The following L3HYPDH variants were observed in gnomAD, a reference collection of about 807,000 sequenced individuals.
The protein encoded by L3HYPDH is trans-3-hydroxy-L-proline dehydratase.
L3HYPDH carries 32 observed loss-of-function variants against 26.5 expected under a neutral mutation model. The observed-to-expected ratio is 1.21, with a 90% CI of 0.91 to 1.62. L3HYPDH has a LOEUF of 1.62. Among genes scored for constraint, L3HYPDH ranks in the 40% most tolerant of loss-of-function variants. The probability of loss-of-function intolerance (pLI) is 0.00; values close to 1 mark genes in which losing one functional copy is unlikely to be tolerated. For synonymous variants in L3HYPDH, 215 were observed against 196.6 expected (o/e 1.09, Z -0.78); for missense variants, 554 against 476.4 (o/e 1.16, Z -1.52).
chr14:59,494,912 T>C, the L3HYPDH span: 1 of 783,466 alleles, frequency 1.3e-6, no homozygotes, highest in African/African-American at 1.8e-5. Flanking sequence ...GTTTTTGACT[T>C]TTCTTATAGA....
At chr14:59,477,833 C>T (rs1211926991) in intron 2 of L3HYPDH, among the ~76,000 whole-genome samples, 1 of 152,194 alleles carries the variant, frequency 6.6e-6, no homozygotes, top group Non-Finnish European at 1.5e-5. Flanking sequence ...CTATCTTACA[C>T]AAGTTACTTT....
upstream of L3HYPDH, chr14:59,486,605 T>C: frequency 8.2e-6 from 6 of 732,938 alleles, no homozygotes; most frequent in Non-Finnish European, 1.4e-5. Context: ...TAATACATAT[T>C]ATTCAAAAAT....
intron 2 of L3HYPDH, among the ~76,000 whole-genome samples, chr14:59,477,805 T>C (rs941132022): frequency 3.3e-5 from 5 of 152,220 alleles, no homozygotes; most frequent in African/African-American, 4.8e-5. Flanking sequence ...AAAATGATAA[T>C]TATTCGTACA....
rs1408539725 is a variant in L3HYPDH, at chr14:59,484,382, G to A, written c.-66C>T. On this transcript the variant is annotated 5_prime_UTR_variant, in exon 1 of 5. Coordinates refer to ENST00000247194, the MANE Select transcript of L3HYPDH (RefSeq NM_144581.2). Reference sequence around the variant, plus strand: ...GCTTCAAGCCCGACCCTCACCCACTGACTCCGCGGGAGGAGGGCGGGACGC... The same window carrying A: ...GCTTCAAGCCCGACCCTCACCCACTAACTCCGCGGGAGGAGGGCGGGACGC... 6.7e-7 allele frequency: 1 copy of A among 1,488,414 alleles called. No homozygotes were observed. The highest frequency in any genetic ancestry group is 9.0e-7 in the Non-Finnish European group (1 of 1,105,224). 92.2% of individuals were successfully genotyped at this position (1,488,414 alleles called of 1,614,324 possible). A position where few individuals can be genotyped will look rare whatever the true frequency, so the allele number is the denominator to read the frequency against.
chr14:59,503,711 T>A, the L3HYPDH span: 1 of 614,326 alleles, frequency 1.6e-6, no homozygotes. Context: ...GACTGAGTGA[T>A]TTCTTAAGTC....
chr14:59,470,954 GC>G (rs1889293270), downstream of L3HYPDH, among the ~76,000 whole-genome samples: 5 of 101,998 alleles, frequency 4.9e-5, no homozygotes, highest in South Asian at 3.8e-4. Flanking sequence ...GTGGCTGGGG[GC>G]GGGGGGGGGG....
At chr14:59,493,056 C>T in the L3HYPDH span, among the ~76,000 whole-genome samples, 4 of 152,022 alleles carry the variant, frequency 2.6e-5, no homozygotes, top group South Asian at 2.1e-4. Flanking sequence ...CCCCGGCCTC[C>T]CAAAGTGCTG....
chr14:59,466,227 A>G (rs1369487436), intron 1 of L3HYPDH, among the ~76,000 whole-genome samples: 1 of 152,126 alleles, frequency 6.6e-6, no homozygotes, highest in East Asian at 1.9e-4. Context: ...GGAATGGGGT[A>G]TGTTTTGAGT....
At chr14:59,486,658 A>ATT, upstream of L3HYPDH, 1 of 1,245,054 alleles carries the variant, frequency 8.0e-7, no homozygotes, top group Non-Finnish European at 1.1e-6. Context: ...TATTATTGCA[A>ATT]TTATTTTTTA....
In L3HYPDH at chr14:59,484,353, T is replaced by C; in HGVS notation, c.-37A>G. ...GGGGAGACGAGTACGGTCCCGCAGC[T>C]ATGGCTTCAAGCCCGACCCTCACCC... On this transcript the variant is annotated 5_prime_UTR_variant, in exon 1 of 5. The change creates a new upstream start codon in the 5' untranslated region. Transcript: ENST00000247194. The C allele has an allele frequency of 1.7e-5, 27 of 1,548,126 alleles. No individual in the cohort carries two copies. The highest frequency in any genetic ancestry group is 2.3e-5 in the Non-Finnish European group (27 of 1,151,274).
chr14:59,485,304 G>T (rs570266722), upstream of L3HYPDH, among the ~76,000 whole-genome samples: 1 of 152,080 alleles, frequency 6.6e-6, no homozygotes, highest in South Asian at 2.1e-4. Flanking sequence ...TCATTTTCAT[G>T]TATTAATTTA....
chr14:59,495,298 T>A, the L3HYPDH span: 2 of 1,201,008 alleles, frequency 1.7e-6, no homozygotes, highest in East Asian at 4.8e-5. Context: ...TTTATGGCGT[T>A]TGGAGACAAA....
At chr14:59,505,181 G>T in the L3HYPDH span, 1 of 843,362 alleles carries the variant, frequency 1.2e-6, no homozygotes, top group East Asian at 2.7e-5. Flanking sequence ...GAAAGTAAGT[G>T]CACTCACTTT....
intron 1 of L3HYPDH, among the ~76,000 whole-genome samples, chr14:59,480,578 G>A (rs1889944179): frequency 6.6e-6 from 1 of 152,214 alleles, no homozygotes; most frequent in African/African-American, 2.4e-5. Flanking sequence ...CAGAAATTAA[G>A]TTTTGGGAAA....
chr14:59,504,426 T>G, the L3HYPDH span: 1 of 198,192 alleles, frequency 5.0e-6, no homozygotes, highest in Non-Finnish European at 1.0e-5. Context: ...TAATCTGCAG[T>G]CCTTAACAGT....
chr14:59,505,002 A>T, the L3HYPDH span: 6 of 325,124 alleles, frequency 1.8e-5, no homozygotes, highest in Admixed American at 1.8e-4. Flanking sequence ...CTTAAGACTC[A>T]TGGTTGCAAC....
chr14:59,502,706 G>T, the L3HYPDH span, among the ~76,000 whole-genome samples: 25 of 141,942 alleles, frequency 1.8e-4, no homozygotes, highest in Middle Eastern at 3.9e-3. Context: ...GGAAAGATTT[G>T]AGGGAGAAAA....
upstream of L3HYPDH, chr14:59,487,682 A>G (rs1201751507): frequency 1.2e-5 from 20 of 1,612,508 alleles, no homozygotes; most frequent in Non-Finnish European, 1.7e-5. Flanking sequence ...AGGTATGCCC[A>G]AGAGGACAGA....
chr14:59,496,821 C>T, the L3HYPDH span, among the ~76,000 whole-genome samples: 1 of 152,108 alleles, frequency 6.6e-6, no homozygotes, highest in African/African-American at 2.4e-5. Context: ...AGCTTGCCTG[C>T]CTTGTTTTAT....
Sources: allele counts gnomAD v4.1 joint callset (sites outside exome capture counted in the v4.1 genomes callset), GRCh38; gene constraint gnomAD v4.1.1; transcripts MANE v1.5; gene names NCBI Gene and HGNC (gene_info 2026-07-23, HGNC 2026-07-21).